Variants in DEPDC5 observed in about 807,000 individuals in gnomAD.
DEPDC5 encodes the protein DEP domain containing 5, GATOR1 subcomplex subunit, also known as GATOR1 complex protein DEPDC5.
A neutral mutation model predicts 217.3 loss-of-function variants in DEPDC5; 73 were observed. The observed-to-expected ratio is 0.34, with a 90% CI of 0.28 to 0.41. DEPDC5 has a LOEUF of 0.41. DEPDC5 is among the 10% of genes least tolerant of loss of function. The pLI, the probability that DEPDC5 is intolerant of heterozygous loss-of-function variation, is 1.00. For synonymous variants in DEPDC5, 733 were observed against 756.7 expected, an observed-to-expected ratio of 0.97 and a Z score of 0.51; for missense variants, 1,675 against 2,070.1, an observed-to-expected ratio of 0.81 and a Z score of 3.70.
chr22:31,809,505 C>T, intron 18 of DEPDC5, 106 bp from the exon 19 acceptor site: 1 of 1,217,644 alleles, frequency 8.2e-7, no homozygotes, highest in Non-Finnish European at 1.2e-6. Context: ...GCCTTTCTGT[C>T]AGTTACAGGC....
chr22:31,857,531 C>T lies in DEPDC5; in HGVS notation c.3242C>T (p.Thr1081Ile), dbSNP rs2092348833. ...AGCAGCAGCGTTGCCATGACTCCCA[C>T]CTACATGGACAGCCCACGAAAGGTA... Reference protein sequence around the residue: ...AESSSVAMTPTYMDSPRKDGA... With the variant: ...AESSSVAMTPIYMDSPRKDGA... The change falls in exon 32 of 43, where the codon ACC becomes ATC. Residue 1081 changes from threonine to isoleucine, a missense_variant. Around this residue, in one of 11 missense-constraint regions of DEPDC5, gnomAD observed 126 missense variants for 113.8 expected, o/e 1.11. Coordinates refer to ENST00000651528, the MANE Select transcript of DEPDC5 (RefSeq NM_001242896.3). 6.2e-7 allele frequency: 1 copy of T among 1,611,580 alleles called. No individual in the cohort carries two copies.
rs764555781 is a variant in DEPDC5, at chr22:31,906,272, C to T, written c.4587C>T (p.Asn1529=). The T allele has an allele frequency of 5.0e-6, 8 of 1,613,908 alleles. No individual in the cohort carries two copies. The highest frequency in any genetic ancestry group is 3.3e-5 in the South Asian group (3 of 91,090). The part of the protein sequence containing the change: ...KFSGQQRRRR[N]STSSTNQNMF... Reference sequence around the variant, plus strand: ...CAGGGCAGCAGCGGCGGCGGCGGAACTCCACCAGCTCCACCAACCAGAACA... The same window carrying T: ...CAGGGCAGCAGCGGCGGCGGCGGAATTCCACCAGCTCCACCAACCAGAACA... The change falls in exon 43 of 43, where the codon AAC becomes AAT. Residue 1529 remains asparagine, a synonymous_variant. Coordinates refer to ENST00000651528, the MANE Select transcript of DEPDC5 (RefSeq NM_001242896.3). This position sits in a 1 kb window ranked among gnomAD's most constrained non-coding sequence, Gnocchi z 5.1.
chr22:31,903,036 C>T (rs902511100), intron 41 of DEPDC5, among the ~76,000 whole-genome samples: 3 of 151,886 alleles, frequency 2.0e-5, no homozygotes, highest in Non-Finnish European at 4.4e-5. Context: ...TTGTACTTTC[C>T]TCCTCAGCCA....
At chr22:31,782,592 G>C (rs2148388994) in intron 8 of DEPDC5, among the ~76,000 whole-genome samples, 1 of 152,272 alleles carries the variant, frequency 6.6e-6, no homozygotes, top group Non-Finnish European at 1.5e-5. Context: ...GCTTTTCCTT[G>C]AGGCAGTCTG....
rs771101581 is a variant in DEPDC5 at position 31,906,035 on chromosome 22, T to C, written c.4488T>C (p.Ala1496=). The C allele has an allele frequency of 1.2e-6, 2 of 1,614,220 alleles. No homozygotes were observed. Among genetic ancestry groups the C allele is most frequent in the Non-Finnish European group, 1.7e-6 (2 of 1,180,036 alleles). The change falls in exon 42 of 43, where the codon GCT becomes GCC. Residue 1496 remains alanine (A), a synonymous_variant. Coordinates refer to ENST00000651528, the MANE Select transcript of DEPDC5 (RefSeq NM_001242896.3). This position sits in a 1 kb window ranked among gnomAD's most constrained non-coding sequence, Gnocchi z 5.1. ...CTGCCTCTGCTTTTAACTTCCCTGCTGAGAACAAGCCTCAGTATATCCACG... is the reference window on the plus strand; with the variant it reads ...CTGCCTCTGCTTTTAACTTCCCTGCCGAGAACAAGCCTCAGTATATCCACG... ...KYSASAFNFP[A]ENKPQYIHVT...
intron 21 of DEPDC5, chr22:31,815,449 A>G (rs1204005954): frequency 1.5e-6 from 1 of 678,156 alleles, no homozygotes. Context: ...ATGCAATCAC[A>G]GCTCACCTCA....
chr22:31,789,900 C>T (rs1293775987), intron 10 of DEPDC5, among the ~76,000 whole-genome samples: 1 of 152,078 alleles, frequency 6.6e-6, no homozygotes, highest in African/African-American at 2.4e-5. Context: ...GGCCACCATG[C>T]CTGGCTGATT....
At chr22:31,886,775 A>AAG (rs1235219932) in intron 38 of DEPDC5, among the ~76,000 whole-genome samples, 4 of 133,488 alleles carry the variant, frequency 3.0e-5, no homozygotes, top group African/African-American at 7.2e-5. Context: ...AAAAAAAAAA[A>AAG]AGAGAGAGAG....
At chr22:31,889,376 C>A (rs1046435902) in intron 38 of DEPDC5, among the ~76,000 whole-genome samples, 3 of 152,144 alleles carry the variant, frequency 2.0e-5, no homozygotes, top group African/African-American at 7.2e-5. Context: ...GGTTGAACAG[C>A]GTACTTCCTG....
At chr22:31,827,482 G>A (rs1303926371) in intron 24 of DEPDC5, among the ~76,000 whole-genome samples, 1 of 152,176 alleles carries the variant, frequency 6.6e-6, no homozygotes, top group Non-Finnish European at 1.5e-5. Flanking sequence ...GCAGTAGCGA[G>A]TTACCTGGTC....
intron 36 of DEPDC5, 113 bp from the exon 37 acceptor site, chr22:31,876,044 G>T (rs1569174780): frequency 1.3e-6 from 1 of 769,350 alleles, no homozygotes; most frequent in Non-Finnish European, 2.2e-6. Flanking sequence ...TGGGGGTGGA[G>T]GGTAGGGTCT....
rs1208244712 is a variant in DEPDC5, at chr22:31,819,232, T to TG, written c.1870+9dup. 1 of 1,614,064 alleles carries TG rather than the reference T, an allele frequency of 6.2e-7. No homozygotes were observed. On this transcript the variant is annotated splice_region_variant and intron_variant, in intron 22 of 42. Coordinates refer to ENST00000651528, the MANE Select transcript of DEPDC5 (RefSeq NM_001242896.3). ...ATGCACACTTTTCCTGTGGGTAAGT[T>TG]GGTTGCTTAAGAGAGAGCCTTGGAC...
chr22:31,844,687 T>G, intron 29 of DEPDC5: 1 of 254,766 alleles, frequency 3.9e-6, no homozygotes, highest in South Asian at 5.4e-5. Context: ...GCCTTTGTGG[T>G]CTTCCTTCAG....
chr22:31,815,351 C>G, intron 21 of DEPDC5, 139 bp downstream of exon 21: 1 of 761,440 alleles, frequency 1.3e-6, no homozygotes, highest in Non-Finnish European at 2.3e-6. Flanking sequence ...AGGTACAAAT[C>G]ACTTTAGCTG....
chr22:31,882,995 C>T (rs2093217434), intron 38 of DEPDC5, among the ~76,000 whole-genome samples: 1 of 152,134 alleles, frequency 6.6e-6, no homozygotes, highest in Non-Finnish European at 1.5e-5. Context: ...GTAGATCATA[C>T]AAAACCCAAG....
At chr22:31,895,949 T>A (rs763972662) in intron 39 of DEPDC5, among the ~76,000 whole-genome samples, 26 of 151,754 alleles carry the variant, frequency 1.7e-4, no homozygotes, top group Non-Finnish European at 2.6e-4. Context: ...TGACCACTTC[T>A]TTCAGGTAAA....
chr22:31,758,671 A>G, intron 3 of DEPDC5, 38 bp downstream of exon 3: 1 of 1,580,018 alleles, frequency 6.3e-7, no homozygotes, highest in Non-Finnish European at 8.7e-7. Flanking sequence ...TGGGCAATTC[A>G]CTGTTTCCAA....
At position 31,836,973 on chromosome 22, in the gene DEPDC5, T is replaced by G. The variant is rs745531943; in HGVS notation, c.2172T>G (p.Ile724Met). The G allele has an allele frequency of 9.3e-6, 15 of 1,613,964 alleles. No individual in the cohort carries two copies. Among genetic ancestry groups the G allele is most frequent in the Non-Finnish European group, 1.3e-5 (15 of 1,179,978 alleles). ...EDSVSTSPDP[I>M]LTLSAPPVVP... ...TTTTCCCCCTGTTACGTGAGGCAGT[T>G]CTGACACTGTCTGCTCCCCCTGTAG... The change falls in exon 26 of 43, where the codon ATT (isoleucine) becomes ATG (methionine). Residue 724 changes from isoleucine (I) to methionine (M), a missense_variant and splice_region_variant. Transcript: ENST00000651528.
At chr22:31,824,919 T>A (rs1347043632) in intron 24 of DEPDC5, among the ~76,000 whole-genome samples, 1 of 145,060 alleles carries the variant, frequency 6.9e-6, no homozygotes, top group Non-Finnish European at 1.5e-5. Context: ...GAGCTTGCAG[T>A]GAGCCGAGAT....
Sources: gnomAD v4.1 joint callset for allele counts (sites outside exome capture counted in the v4.1 genomes callset) on GRCh38, gnomAD v4.1.1 for gene constraint, gnomAD v4.1.1 regional missense constraint, Gnocchi (gnomAD v3.1) non-coding constraint, MANE v1.5 for transcripts, NCBI Gene and HGNC (gene_info 2026-07-23, HGNC 2026-07-21) for gene names.